Variants in ADCY8 observed in about 807,000 individuals in gnomAD.
ADCY8 encodes adenylate cyclase type 8.
A neutral mutation model predicts 119.7 loss-of-function variants in ADCY8; 51 were observed. That is an observed-to-expected ratio of 0.43 (90% CI 0.34 to 0.54). The LOEUF is 0.54. Ranked by LOEUF, ADCY8 falls within the 20% of genes least tolerant of loss-of-function variation. The pLI, the probability that ADCY8 is intolerant of heterozygous loss-of-function variation, is 0.03. For synonymous variants in ADCY8, 665 were observed against 651.0 expected, an observed-to-expected ratio of 1.02 and a Z score of -0.33; for missense variants, 1,383 against 1,598.8, an observed-to-expected ratio of 0.87 and a Z score of 2.30.
At chr8:130,838,001 A>C (rs970901443) in intron 11 of ADCY8, among the ~76,000 whole-genome samples, 1 of 152,222 alleles carries the variant, frequency 6.6e-6, no homozygotes, top group Non-Finnish European at 1.5e-5. Context: ...TGGTCTTGTT[A>C]TACATGGCTG....
At chr8:131,021,447 G>A (rs1340164016) in intron 1 of ADCY8, among the ~76,000 whole-genome samples, 9 of 152,100 alleles carry the variant, frequency 5.9e-5, no homozygotes, top group Non-Finnish European at 2.9e-5. Flanking sequence ...CCTTTTAAAC[G>A]CTTCTCCAAA....
At chr8:130,868,697 TA>T (rs1818217139) in intron 8 of ADCY8, among the ~76,000 whole-genome samples, 1 of 152,224 alleles carries the variant, frequency 6.6e-6, no homozygotes, top group Non-Finnish European at 1.5e-5. Flanking sequence ...GGAAAGTTTT[TA>T]AAACTGAAAA....
chr8:130,813,007 G>T (rs1816218323), intron 14 of ADCY8, among the ~76,000 whole-genome samples: 1 of 150,788 alleles, frequency 6.6e-6, no homozygotes, highest in Admixed American at 6.6e-5. Context: ...GAGTGCAGTG[G>T]CACAATCTCA....
At chr8:130,789,556 T>C (rs993464241) in intron 15 of ADCY8, among the ~76,000 whole-genome samples, 1 of 88,282 alleles carries the variant, frequency 1.1e-5, no homozygotes, top group Non-Finnish European at 2.4e-5. Context: ...GGATGGCTTC[T>C]CACCTCAGTG....
At chr8:130,922,378 C>G (rs974246983) in intron 5 of ADCY8, among the ~76,000 whole-genome samples, 30 of 151,556 alleles carry the variant, frequency 2.0e-4, no homozygotes, top group Non-Finnish European at 3.2e-4. Context: ...GTTTGTGTCC[C>G]TGGGTACTTG....
At chr8:131,015,005 T>G (rs1470949131) in intron 1 of ADCY8, among the ~76,000 whole-genome samples, 1 of 144,272 alleles carries the variant, frequency 6.9e-6, no homozygotes, top group African/African-American at 2.5e-5. Context: ...GAGACAGGCA[T>G]AAATGTGGAG....
intron 13 of ADCY8, among the ~76,000 whole-genome samples, chr8:130,820,775 A>G (rs906038035): frequency 2.6e-5 from 4 of 152,210 alleles, no homozygotes; most frequent in Admixed American, 1.3e-4. Flanking sequence ...TTATCTAATT[A>G]GGACAGATCT....
At chr8:130,979,470 T>C (rs769623721) in intron 2 of ADCY8, among the ~76,000 whole-genome samples, 7 of 152,212 alleles carry the variant, frequency 4.6e-5, no homozygotes, top group African/African-American at 1.7e-4. Context: ...AGAACCAATA[T>C]GAGTTGAGTT....
intron 14 of ADCY8, among the ~76,000 whole-genome samples, chr8:130,807,557 G>A (rs146256641): frequency 1.0e-3 from 153 of 152,274 alleles, no homozygotes; most frequent in Middle Eastern, 6.8e-3. Context: ...TACACCATGT[G>A]GGGGCACAGA....
At chr8:130,983,493 T>C (rs1034597237) in intron 2 of ADCY8, among the ~76,000 whole-genome samples, 1 of 151,846 alleles carries the variant, frequency 6.6e-6, no homozygotes, top group Non-Finnish European at 1.5e-5. Flanking sequence ...GGGAGACAGA[T>C]AGGGAACGAC....
intron 2 of ADCY8, among the ~76,000 whole-genome samples, chr8:130,989,553 A>G (rs1297708438): frequency 2.0e-5 from 3 of 152,230 alleles, no homozygotes; most frequent in Non-Finnish European, 4.4e-5. Context: ...TAATATATCT[A>G]CAAGCATAAA....
intron 9 of ADCY8, among the ~76,000 whole-genome samples, chr8:130,866,696 C>T (rs1818135989): frequency 6.6e-6 from 1 of 152,150 alleles, no homozygotes; most frequent in South Asian, 2.1e-4. Flanking sequence ...TGATGCAAAG[C>T]AGTCTAGTAA....
At chr8:130,838,700 T>G (rs1234777958) in intron 11 of ADCY8, among the ~76,000 whole-genome samples, 1 of 141,650 alleles carries the variant, frequency 7.1e-6, no homozygotes, top group African/African-American at 2.4e-5. Context: ...AACAGTTAAT[T>G]TATAAAATGT....
At chr8:130,893,809 T>C (rs1819286431) in intron 7 of ADCY8, among the ~76,000 whole-genome samples, 1 of 148,668 alleles carries the variant, frequency 6.7e-6, no homozygotes, top group Admixed American at 6.7e-5. Context: ...TGTGTGCATG[T>C]TTATGCGTGT....
intron 2 of ADCY8, among the ~76,000 whole-genome samples, chr8:130,979,403 T>C (rs921357693): frequency 1.1e-4 from 17 of 152,222 alleles, no homozygotes; most frequent in African/African-American, 3.9e-4. Flanking sequence ...GTTGTGACAA[T>C]TGTACACCTG....
At chr8:130,913,019 G>A (rs1015123167) in intron 5 of ADCY8, among the ~76,000 whole-genome samples, 4 of 152,140 alleles carry the variant, frequency 2.6e-5, no homozygotes, top group Non-Finnish European at 4.4e-5. Flanking sequence ...CTATTCAAGT[G>A]TATAGTAGGA....
At chr8:130,889,885 AT>A (rs1413901055) in intron 7 of ADCY8, among the ~76,000 whole-genome samples, 1 of 152,126 alleles carries the variant, frequency 6.6e-6, no homozygotes, top group Non-Finnish European at 1.5e-5. Flanking sequence ...TACTGCTACT[AT>A]AAAAAACAAA....
chr8:130,953,166 A>T (rs888479942), intron 2 of ADCY8, among the ~76,000 whole-genome samples: 1 of 152,174 alleles, frequency 6.6e-6, no homozygotes, highest in Admixed American at 6.5e-5. Flanking sequence ...CTTTTAGTTG[A>T]ATAATAGAAA....
At chr8:130,982,030 A>T (rs1822255665) in intron 2 of ADCY8, among the ~76,000 whole-genome samples, 1 of 152,254 alleles carries the variant, frequency 6.6e-6, no homozygotes, top group Admixed American at 6.5e-5. Flanking sequence ...GGAATCAAAT[A>T]CAGGTTTGTT....
Sources: gnomAD v4.1 joint callset for allele counts (sites outside exome capture counted in the v4.1 genomes callset) on GRCh38, gnomAD v4.1.1 for gene constraint, MANE v1.5 for transcripts, NCBI Gene and HGNC (gene_info 2026-07-23, HGNC 2026-07-21) for gene names.